Variants in AK8 observed in about 807,000 individuals in gnomAD.
The protein encoded by AK8 is ATP-AMP transphosphorylase 8.
In AK8, 44 loss-of-function variants were observed where a neutral mutation model predicts 54.6. That is an observed-to-expected ratio of 0.81 (90% CI 0.63 to 1.04). The LOEUF (loss-of-function observed/expected upper bound fraction) is 1.04. AK8 is among the 50% of genes least tolerant of loss of function. AK8 has a pLI of 0.00. For synonymous variants in AK8, 239 were observed against 245.6 expected (o/e 0.97, Z 0.25); for missense variants, 555 against 613.6 (o/e 0.90, Z 1.01).
At chr9:132,840,770 G>T (rs1017682737) in intron 5 of AK8, among the ~76,000 whole-genome samples, 2 of 152,132 alleles carry the variant, frequency 1.3e-5, no homozygotes, top group African/African-American at 4.8e-5. Flanking sequence ...GCACACGCCT[G>T]CAATCCCAGC....
intron 9 of AK8, among the ~76,000 whole-genome samples, chr9:132,818,019 G>C (rs768262323): frequency 3.3e-5 from 5 of 152,210 alleles, no homozygotes; most frequent in Non-Finnish European, 7.3e-5. Flanking sequence ...TAACCTCTGA[G>C]ATTTCATCAG....
At chr9:132,840,979 A>T (rs2131344777) in intron 5 of AK8, among the ~76,000 whole-genome samples, 1 of 152,266 alleles carries the variant, frequency 6.6e-6, no homozygotes, top group East Asian at 1.9e-4. Context: ...GGGATCCTCA[A>T]ATGGCCTTCA....
At chr9:132,805,404 G>A (rs530339233) in intron 10 of AK8, among the ~76,000 whole-genome samples, 2 of 152,238 alleles carry the variant, frequency 1.3e-5, no homozygotes, top group African/African-American at 4.8e-5. Flanking sequence ...GCGCTAAGCA[G>A]GCCAGACCTA....
At chr9:132,780,116 G>A (rs755187164) in intron 11 of AK8, among the ~76,000 whole-genome samples, 1 of 152,208 alleles carries the variant, frequency 6.6e-6, no homozygotes, top group Non-Finnish European at 1.5e-5. Context: ...CTCAATGGAC[G>A]TGATCTGGGA....
Position 132,770,705 on chromosome 9 carries a change from G to A in AK8, c.1121+21929C>T, listed in dbSNP as rs1489310128. ...AAGGCAGGGAAGAGCGGGATGGGTC[G>A]GCCCCTTCAAGGGGAGCCCTGGGGC... On this transcript the variant is annotated intron_variant, in intron 11 of 12. Transcript: ENST00000298545. The surrounding 1 kb of genome is among the most constrained non-coding windows in gnomAD (Gnocchi z 4.3). 6.6e-6 allele frequency among the ~76,000 whole-genome samples: 1 copy of A among 152,170 alleles called. No homozygotes were observed. The highest frequency in any genetic ancestry group is 1.5e-5 in the Non-Finnish European group (1 of 68,022).
At chr9:132,870,906 T>C (rs185204810) in intron 2 of AK8, among the ~76,000 whole-genome samples, 11 of 152,298 alleles carry the variant, frequency 7.2e-5, no homozygotes, top group African/African-American at 2.2e-4. Context: ...CTAGGACACA[T>C]GAGGATTGGG....
chr9:132,804,618 C>T (rs548243019), intron 10 of AK8, among the ~76,000 whole-genome samples: 1 of 152,270 alleles, frequency 6.6e-6, no homozygotes, highest in South Asian at 2.1e-4. Flanking sequence ...TCTTCCCTCG[C>T]CTCTCCCCCT....
At chr9:132,838,031 G>A (rs1028460619) in intron 5 of AK8, among the ~76,000 whole-genome samples, 10 of 152,194 alleles carry the variant, frequency 6.6e-5, no homozygotes, top group African/African-American at 2.4e-4. Context: ...ATAAACCCGT[G>A]AGTGTCAAAA....
chr9:132,788,239 C>G (rs1324114685), intron 11 of AK8, among the ~76,000 whole-genome samples: 1 of 152,164 alleles, frequency 6.6e-6, no homozygotes, highest in African/African-American at 2.4e-5. Context: ...CGCCTTCCAG[C>G]TGAGTTAGAT....
At chr9:132,744,074 C>T (rs1289916495) in intron 11 of AK8, among the ~76,000 whole-genome samples, 1 of 152,166 alleles carries the variant, frequency 6.6e-6, no homozygotes, top group Non-Finnish European at 1.5e-5. Context: ...CCCACTCTCC[C>T]GGTGTGCTAG....
At chr9:132,854,973 C>A (rs766414458) in intron 4 of AK8, 48 bp from the exon 5 acceptor site, 3 of 1,596,754 alleles carry the variant, frequency 1.9e-6, no homozygotes, top group South Asian at 1.1e-5. Context: ...CTGCTTCCTG[C>A]AGCTCAGGAC....
rs1200582716 is a variant in AK8, at chr9:132,792,104, TTTGC to T, written c.1121+526_1121+529del. Among the ~76,000 whole-genome samples, 3 of 152,292 alleles carry T rather than the reference TTTGC, an allele frequency of 2.0e-5. No homozygotes were observed. In the East Asian group the frequency reaches 5.8e-4, roughly 29 times the overall value. On this transcript the variant is annotated intron_variant, in intron 11 of 12. Transcript: ENST00000298545. ...TATTGCAAGCTCAGACTAAATAGCCTTTGCTTGCTTTCACTTTGGTGGGCTTCAC... is the reference window on the plus strand; with the variant it reads ...TATTGCAAGCTCAGACTAAATAGCCTTTGCTTTCACTTTGGTGGGCTTCAC...
chr9:132,831,735 G>GT (rs1255591664), intron 5 of AK8, among the ~76,000 whole-genome samples: 13 of 152,154 alleles, frequency 8.5e-5, no homozygotes, highest in Non-Finnish European at 1.5e-4. Context: ...GTGGGCGACT[G>GT]TAAGAGATGT....
intron 11 of AK8, among the ~76,000 whole-genome samples, chr9:132,792,430 A>G (rs1463170477): frequency 6.6e-6 from 1 of 152,238 alleles, no homozygotes; most frequent in Admixed American, 6.5e-5. Context: ...GGGTCCATCA[A>G]GGAGGGTGAA....
intron 8 of AK8, 97 bp from the exon 9 acceptor site, chr9:132,823,433 T>G: frequency 2.0e-6 from 3 of 1,507,118 alleles, no homozygotes; most frequent in Non-Finnish European, 2.7e-6. Flanking sequence ...CGGCAGTAAC[T>G]CTTTTTCTCT....
intron 11 of AK8, among the ~76,000 whole-genome samples, chr9:132,776,917 C>G (rs1443171146): frequency 2.0e-5 from 3 of 152,204 alleles, no homozygotes; most frequent in Admixed American, 2.0e-4. Flanking sequence ...TCTAGACAAC[C>G]TGGGACAGCC....
chr9:132,852,197 G>C (rs1287378806), intron 5 of AK8, among the ~76,000 whole-genome samples: 2 of 152,218 alleles, frequency 1.3e-5, no homozygotes, highest in African/African-American at 4.8e-5. Context: ...ATAGGGGCCA[G>C]GCATGGTGGC....
At chr9:132,835,056 G>T (rs1181420133) in intron 5 of AK8, among the ~76,000 whole-genome samples, 1 of 152,154 alleles carries the variant, frequency 6.6e-6, no homozygotes, top group Admixed American at 6.5e-5. Context: ...TTTTTTAGTA[G>T]AGACGGGGTT....
intron 3 of AK8, among the ~76,000 whole-genome samples, chr9:132,865,543 C>A (rs1187911559): frequency 6.6e-6 from 1 of 151,668 alleles, no homozygotes; most frequent in Non-Finnish European, 1.5e-5. Flanking sequence ...GACCTTAGGC[C>A]GGGCACGGTG....
Sources: gnomAD v4.1 joint callset for allele counts (sites outside exome capture counted in the v4.1 genomes callset) on GRCh38, gnomAD v4.1.1 for gene constraint, Gnocchi (gnomAD v3.1) non-coding constraint, MANE v1.5 for transcripts, NCBI Gene and HGNC (gene_info 2026-07-23, HGNC 2026-07-21) for gene names.